SPON1: variants seen among roughly 807,000 people sequenced by gnomAD.
SPON1 encodes spondin-1.
SPON1 carries 52 observed loss-of-function variants against 111.7 expected under a neutral mutation model. The ratio of observed to expected loss-of-function variants is 0.47; its 90% CI spans 0.37 to 0.59. The LOEUF (loss-of-function observed/expected upper bound fraction) is 0.59, where lower values mean the gene tolerates loss of function less well. SPON1 is among the 20% of genes least tolerant of loss of function. The pLI, the probability that SPON1 is intolerant of heterozygous loss-of-function variation, is 0.00. For synonymous variants in SPON1, 410 were observed against 395.8 expected, an observed-to-expected ratio of 1.04 and a Z score of -0.43; for missense variants, 957 against 1,068.5, an observed-to-expected ratio of 0.90 and a Z score of 1.46.
intron 2 of SPON1, among the ~76,000 whole-genome samples, chr11:14,017,562 C>G (rs2618487): frequency 0.35 from 53,771 of 151,998 alleles, 10,791 homozygotes; most frequent in East Asian, 0.67. Flanking sequence ...CTGTGACAGC[C>G]TTGTGATGGA....
At chr11:14,033,706 C>T (rs1232076170) in intron 2 of SPON1, among the ~76,000 whole-genome samples, 1 of 152,126 alleles carries the variant, frequency 6.6e-6, no homozygotes, top group Non-Finnish European at 1.5e-5. Context: ...GCTTAAAATG[C>T]CCCTGATATT....
At chr11:14,007,958 C>T (rs1848375824) in intron 2 of SPON1, among the ~76,000 whole-genome samples, 3 of 152,074 alleles carry the variant, frequency 2.0e-5, no homozygotes, top group South Asian at 4.1e-4. Flanking sequence ...TTAAGGCTTC[C>T]AGATAGTCTA....
At chr11:14,149,337 G>T (rs568543425) in intron 6 of SPON1, among the ~76,000 whole-genome samples, 1 of 152,096 alleles carries the variant, frequency 6.6e-6, no homozygotes, top group East Asian at 1.9e-4. Context: ...AATTAAAAAG[G>T]CCTGTAGAAT....
intron 2 of SPON1, among the ~76,000 whole-genome samples, chr11:14,031,304 C>A (rs1223858189): frequency 6.6e-6 from 1 of 152,140 alleles, no homozygotes; most frequent in Non-Finnish European, 1.5e-5. Context: ...TACATGTACA[C>A]CCTGAAGTTG....
At chr11:14,012,489 T>C (rs1554913829) in intron 2 of SPON1, among the ~76,000 whole-genome samples, 1 of 152,182 alleles carries the variant, frequency 6.6e-6, no homozygotes, top group Non-Finnish European at 1.5e-5. Context: ...AGTGGCGACG[T>C]GCAAACCGCA....
At chr11:14,229,951 C>CGTGTGTGT (rs55709324) in intron 6 of SPON1, among the ~76,000 whole-genome samples, 3,292 of 145,044 alleles carry the variant, frequency 0.023, 135 homozygotes, top group African/African-American at 0.079. Flanking sequence ...TCTGTGTGTC[C>CGTGTGTGT]GTGTGTGTGT....
Position 14,113,652 on chromosome 11 carries a change from G to A in SPON1, c.677-21768G>A, listed in dbSNP as rs1264873218. ...GAGTCTCGCTCTGTCGCCCAGGCTG[G>A]AGTGCAGTGGCGCGATCTCGGCTCA... On this transcript the variant is annotated intron_variant, in intron 5 of 15. Coordinates refer to ENST00000576479, the MANE Select transcript of SPON1 (RefSeq NM_006108.4). Among the ~76,000 whole-genome samples, 18 of 130,148 alleles carry A rather than the reference G, an allele frequency of 1.4e-4. 1 individual carries two copies. Among genetic ancestry groups the A allele is most frequent in the Non-Finnish European group, 1.6e-5 (1 of 64,032 alleles). The allele number at this position is 130,148 out of a possible 152,430, so 85.4% of individuals were successfully genotyped here.
At chr11:14,013,920 T>C (rs555641319) in intron 2 of SPON1, among the ~76,000 whole-genome samples, 22 of 152,312 alleles carry the variant, frequency 1.4e-4, no homozygotes, top group African/African-American at 5.3e-4. Context: ...CTTGGGTGTT[T>C]TGTAGCGGGG....
chr11:14,220,805 T>C (rs1228731544), intron 6 of SPON1, among the ~76,000 whole-genome samples: 1 of 152,246 alleles, frequency 6.6e-6, no homozygotes, highest in Non-Finnish European at 1.5e-5. Context: ...CTGGTGGTAA[T>C]GTTAATGTTA....
rs559450187 is a variant in SPON1, at chr11:14,236,138, C to T, written c.826-7194C>T. ...TGGCATGATATGACTGCTGCACGAA[C>T]AAGAGTCTGGAGGAAGGGAGGGGAG... On this transcript the variant is annotated intron_variant, in intron 6 of 15. Transcript: ENST00000576479. 1.8e-4 allele frequency among the ~76,000 whole-genome samples: 27 copies of T among 152,118 alleles called. 1 individual carries two copies. Among genetic ancestry groups the T allele is most frequent in the African/African-American group, 6.5e-4 (27 of 41,506 alleles).
intron 5 of SPON1, among the ~76,000 whole-genome samples, chr11:14,089,656 A>G (rs1554923064): frequency 6.6e-6 from 1 of 152,122 alleles, no homozygotes; most frequent in Non-Finnish European, 1.5e-5. Context: ...GCAGAGCTCG[A>G]GCTCTGTGCT....
At chr11:14,099,440 G>GT (rs1415568735) in intron 5 of SPON1, among the ~76,000 whole-genome samples, 1 of 151,540 alleles carries the variant, frequency 6.6e-6, no homozygotes, top group African/African-American at 2.4e-5. Context: ...TTCCCATTTT[G>GT]TTTTTTGTTT....
intron 6 of SPON1, among the ~76,000 whole-genome samples, chr11:14,230,867 C>T (rs1358471154): frequency 6.6e-6 from 1 of 152,188 alleles, no homozygotes; most frequent in Non-Finnish European, 1.5e-5. Flanking sequence ...CAGCTCACTG[C>T]AGCCTTGACT....
chr11:14,054,822 C>T (rs1848732904), intron 3 of SPON1, among the ~76,000 whole-genome samples: 1 of 152,182 alleles, frequency 6.6e-6, no homozygotes, highest in African/African-American at 2.4e-5. Context: ...ATCTCCCGCT[C>T]TTACATATCT....
intron 5 of SPON1, among the ~76,000 whole-genome samples, chr11:14,116,204 T>C (rs116873117): frequency 0.025 from 3,882 of 152,258 alleles, 64 homozygotes; most frequent in Middle Eastern, 0.037. Flanking sequence ...CCTTTTTACT[T>C]TTCTAATCTT....
chr11:14,085,912 T>C (rs1849002491), intron 5 of SPON1, among the ~76,000 whole-genome samples: 1 of 152,208 alleles, frequency 6.6e-6, no homozygotes, highest in South Asian at 2.1e-4. Context: ...TTGTAGCAAT[T>C]GTGAACGGGA....
chr11:14,142,631 C>T (rs1438320798), intron 6 of SPON1, among the ~76,000 whole-genome samples: 6 of 152,208 alleles, frequency 3.9e-5, no homozygotes. Context: ...TAGTTCGATG[C>T]CACCTCCAGA....
chr11:13,995,564 G>A (rs992751050), intron 2 of SPON1, among the ~76,000 whole-genome samples: 19 of 152,110 alleles, frequency 1.2e-4, no homozygotes, highest in East Asian at 7.7e-4. Context: ...GGAGAAAACC[G>A]CCCCCATGAT....
At chr11:14,061,412 T>C (rs1164960138) in intron 3 of SPON1, among the ~76,000 whole-genome samples, 2 of 152,260 alleles carry the variant, frequency 1.3e-5, no homozygotes, top group Non-Finnish European at 2.9e-5. Flanking sequence ...AGTCATCTAA[T>C]TCTGTTATCC....
Sources: allele counts gnomAD v4.1 joint callset (sites outside exome capture counted in the v4.1 genomes callset), GRCh38; gene constraint gnomAD v4.1.1; transcripts MANE v1.5; gene names NCBI Gene and HGNC (gene_info 2026-07-23, HGNC 2026-07-21).